Variants in HRH1 observed in about 807,000 individuals in gnomAD.
The protein encoded by HRH1 is histamine H1 receptor.
Under a neutral mutation model 10.3 loss-of-function variants are expected in HRH1, and 6 were observed. The observed-to-expected ratio is 0.58, with a 90% confidence interval of 0.32 to 1.15. The LOEUF (loss-of-function observed/expected upper bound fraction) is 1.15. Ranked by LOEUF, HRH1 falls within the 50% of genes most tolerant of loss-of-function variation. The pLI is 0.05. For synonymous variants in HRH1, 242 were observed against 236.7 expected (o/e 1.02, Z -0.21); for missense variants, 514 against 615.3 (o/e 0.84, Z 1.74).
At chr3:11,211,939 C>T (rs919031228) in intron 1 of HRH1, among the ~76,000 whole-genome samples, 1 of 152,130 alleles carries the variant, frequency 6.6e-6, no homozygotes, top group African/African-American at 2.4e-5. Flanking sequence ...GGGCTTCCTC[C>T]CAGACCTCCT....
Position 11,260,010 on chromosome 3 carries a change from A to T in HRH1, c.973A>T (p.Asn325Tyr). Residue 325 changes from asparagine (N) to tyrosine (Y), a missense_variant, in exon 2 of 2, where the codon AAC becomes TAC. Asn to Tyr is a moderately radical substitution (Grantham distance 143, BLOSUM62 -2). Coordinates refer to ENST00000431010, the MANE Select transcript of HRH1 (RefSeq NM_001098212.2). ...EGSSRDYVAV[N>Y]RSHGQLKTDE... ...GAGTAGCAGGGACTATGTAGCCGTCAACCGGAGCCATGGCCAGCTCAAGAC... is the reference window on the plus strand; with the variant it reads ...GAGTAGCAGGGACTATGTAGCCGTCTACCGGAGCCATGGCCAGCTCAAGAC... The T allele has an allele frequency of 6.2e-7, 1 of 1,614,186 alleles. No homozygotes were observed. The highest frequency in any genetic ancestry group is 8.5e-7 in the Non-Finnish European group (1 of 1,180,028).
chr3:11,218,197 A>G (rs1938577733), intron 1 of HRH1, among the ~76,000 whole-genome samples: 1 of 152,238 alleles, frequency 6.6e-6, no homozygotes, highest in Non-Finnish European at 1.5e-5. Flanking sequence ...CTGTAATCCC[A>G]GCACTTTGGG....
intron 1 of HRH1, among the ~76,000 whole-genome samples, chr3:11,251,928 AT>A (rs1403157456): frequency 6.6e-6 from 1 of 152,212 alleles, no homozygotes; most frequent in Non-Finnish European, 1.5e-5. Context: ...TGGGTTAAGA[AT>A]TTTTGACAGG....
intron 1 of HRH1, among the ~76,000 whole-genome samples, chr3:11,256,843 CT>C (rs1368407453): frequency 6.6e-6 from 1 of 151,982 alleles, no homozygotes; most frequent in Non-Finnish European, 1.5e-5. Flanking sequence ...AAGAACTTAT[CT>C]GGCTTTGTCT....
intron 1 of HRH1, among the ~76,000 whole-genome samples, chr3:11,160,723 T>C (rs1011344166): frequency 2.6e-5 from 4 of 152,220 alleles, no homozygotes; most frequent in African/African-American, 9.6e-5. Flanking sequence ...TTCTGTATCT[T>C]GGGCCTCAGG....
Position 11,236,114 on chromosome 3 carries a change from A to G in HRH1, c.-35-22889A>G, listed in dbSNP as rs112601547. Among the ~76,000 whole-genome samples, 333 of 152,338 alleles carry G rather than the reference A, an allele frequency of 2.2e-3. 1 individual carries two copies. The highest frequency in any genetic ancestry group is 7.8e-3 in the African/African-American group (323 of 41,560). On this transcript the variant is annotated intron_variant, in intron 1 of 1. Transcript: ENST00000431010. Reference sequence around the variant, plus strand: ...TTGTACTAAGCAGAATAGAGAAAGTACCTCTACTCAATCTTCCTGAAAGAA... The same window carrying G: ...TTGTACTAAGCAGAATAGAGAAAGTGCCTCTACTCAATCTTCCTGAAAGAA...
intron 1 of HRH1, among the ~76,000 whole-genome samples, chr3:11,178,472 C>T (rs948922596): frequency 2.6e-5 from 4 of 152,240 alleles, no homozygotes; most frequent in Non-Finnish European, 1.5e-5. Flanking sequence ...GCGCAACCCT[C>T]TTCCAACCTG....
intron 1 of HRH1, among the ~76,000 whole-genome samples, chr3:11,225,387 G>C (rs1229945498): frequency 6.6e-6 from 1 of 152,210 alleles, no homozygotes; most frequent in Non-Finnish European, 1.5e-5. Flanking sequence ...GGCCAGACAC[G>C]GGAAGATATG....
chr3:11,158,918 TG>T (rs1031786841), intron 1 of HRH1, among the ~76,000 whole-genome samples: 1 of 152,220 alleles, frequency 6.6e-6, no homozygotes, highest in African/African-American at 2.4e-5. Flanking sequence ...TTTTTATTCT[TG>T]CCTTACTACC....
intron 1 of HRH1, among the ~76,000 whole-genome samples, chr3:11,242,166 T>A (rs1168227660): frequency 6.6e-6 from 1 of 152,126 alleles, no homozygotes; most frequent in Non-Finnish European, 1.5e-5. Flanking sequence ...GCTCACTCTT[T>A]GGGTCCTTGC....
At chr3:11,215,726 C>A (rs1194284018) in intron 1 of HRH1, among the ~76,000 whole-genome samples, 1 of 152,206 alleles carries the variant, frequency 6.6e-6, no homozygotes, top group Non-Finnish European at 1.5e-5. Context: ...CAGGCGTGAG[C>A]CACCGCGCCC....
intron 1 of HRH1, among the ~76,000 whole-genome samples, chr3:11,160,227 A>G (rs1345475190): frequency 6.6e-6 from 1 of 152,092 alleles, no homozygotes; most frequent in Non-Finnish European, 1.5e-5. Flanking sequence ...ATTATGACCT[A>G]AGGGCCATGC....
At chr3:11,230,195 TGAGA>T (rs1052575971) in intron 1 of HRH1, among the ~76,000 whole-genome samples, 1 of 152,122 alleles carries the variant, frequency 6.6e-6, no homozygotes, top group Non-Finnish European at 1.5e-5. Context: ...CAGGGGAAGA[TGAGA>T]GAGACCAAGT....
intron 1 of HRH1, among the ~76,000 whole-genome samples, chr3:11,238,569 A>G (rs746553400): frequency 7.9e-5 from 12 of 152,218 alleles, no homozygotes; most frequent in Non-Finnish European, 1.6e-4. Flanking sequence ...CCTATCATAA[A>G]ATTCACCCAT....
At chr3:11,142,089 G>T (rs1936302564) in intron 1 of HRH1, among the ~76,000 whole-genome samples, 1 of 152,192 alleles carries the variant, frequency 6.6e-6, no homozygotes, top group South Asian at 2.1e-4. Flanking sequence ...GGGTAGCAGA[G>T]CTAGACCAGG....
At chr3:11,232,083 C>T (rs1037384348) in intron 1 of HRH1, among the ~76,000 whole-genome samples, 5 of 151,898 alleles carry the variant, frequency 3.3e-5, no homozygotes, top group East Asian at 1.9e-4. Flanking sequence ...CACCGCCTCC[C>T]GGGTTCAAGC....
At chr3:11,254,091 A>G (rs1402317723) in intron 1 of HRH1, among the ~76,000 whole-genome samples, 1 of 152,150 alleles carries the variant, frequency 6.6e-6, no homozygotes, top group East Asian at 1.9e-4. Flanking sequence ...CAGAGGGTAT[A>G]TTATCATGAT....
chr3:11,259,708 G>A lies in HRH1; in HGVS notation c.671G>A (p.Arg224Gln), dbSNP rs145938098. 262 of 1,613,898 alleles carry A rather than the reference G, an allele frequency of 1.6e-4. No homozygotes were observed. The highest frequency in any genetic ancestry group is 4.8e-4 in the Admixed American group (29 of 59,996). The part of the protein sequence containing the change: ...YKAVRQHCQH[R>Q]ELINRSLPSF... ...GCCGTACGACAACACTGCCAGCACC[G>A]GGAGCTCATCAATAGGTCCCTCCCT... is the stretch of plus-strand genomic sequence containing the variant. The change falls in exon 2 of 2, where the codon CGG (arginine) becomes CAG (glutamine). Residue 224 changes from arginine to glutamine, a missense_variant. Coordinates refer to ENST00000431010, the MANE Select transcript of HRH1 (RefSeq NM_001098212.2). The surrounding 1 kb of genome is among the most constrained non-coding windows in gnomAD (Gnocchi z 4.6).
At chr3:11,246,006 A>ACACATG (rs77662172) in intron 1 of HRH1, among the ~76,000 whole-genome samples, 3 of 20,712 alleles carry the variant, frequency 1.4e-4, no homozygotes, top group Non-Finnish European at 4.4e-4. Context: ...ACACTTACAC[A>ACACATG]TACACACATA....
Sources: gnomAD v4.1 joint callset for allele counts (sites outside exome capture counted in the v4.1 genomes callset) on GRCh38, gnomAD v4.1.1 for gene constraint, Gnocchi (gnomAD v3.1) non-coding constraint, MANE v1.5 for transcripts, NCBI Gene and HGNC (gene_info 2026-07-23, HGNC 2026-07-21) for gene names.